FFAR4: variants seen among roughly 807,000 people sequenced by gnomAD.
FFAR4 encodes G-protein coupled receptor 120.
A neutral mutation model predicts 27.0 loss-of-function variants in FFAR4; 19 were observed. The observed-to-expected ratio is 0.70, with a 90% CI of 0.49 to 1.03. The LOEUF is 1.03. Ranked by LOEUF, FFAR4 falls within the 50% of genes least tolerant of loss-of-function variation. FFAR4 has a pLI of 0.00. For synonymous variants in FFAR4, 254 were observed against 215.6 expected (o/e 1.18, Z -1.56); for missense variants, 476 against 479.0 (o/e 0.99, Z 0.06).
chr10:93,583,276 C>T lies in FFAR4; in HGVS notation c.697-3944C>T, dbSNP rs546288535. Among the ~76,000 whole-genome samples the T allele has an allele frequency of 1.4e-4, 21 of 148,726 alleles. No homozygotes were observed. The South Asian group carries it at 3.0e-3, about 21-fold the overall frequency. On this transcript the variant is annotated intron_variant, in intron 2 of 2. Transcript: ENST00000371481. ...AAAAAAAAAAAAAAAATTAGCCGGG[C>T]GTGATGGCGGGCGCCTGTAGTCCCA...
At chr10:93,583,499 G>A (rs1453553545) in intron 2 of FFAR4, among the ~76,000 whole-genome samples, 1 of 152,106 alleles carries the variant, frequency 6.6e-6, no homozygotes, top group Non-Finnish European at 1.5e-5. Context: ...GAAACAAAAT[G>A]CTGCAAGATG....
At position 93,588,614 on chromosome 10, in the gene FFAR4, C is replaced by G. The variant is rs1564786721; in HGVS notation, c.*1005C>G. The G allele has an allele frequency of 6.6e-6, 1 of 152,154 alleles. No individual in the cohort carries two copies. Among genetic ancestry groups the G allele is most frequent in the Non-Finnish European group, 1.5e-5 (1 of 68,038 alleles). The allele number at this position is 152,154 out of a possible 1,614,324, so 9.4% of individuals were successfully genotyped here. The stretch of plus-strand genomic sequence containing the variant: ...AGTGGTGAACCAGACAGCCATGGCC[C>G]TCTCTCAGGGAACTTACCTTCGAGT... On this transcript the variant is annotated 3_prime_UTR_variant, in exon 3 of 3. Transcript: ENST00000371481.
At chr10:93,575,967 G>A in intron 1 of FFAR4, 124 bp from the exon 2 acceptor site, 2 of 903,394 alleles carry the variant, frequency 2.2e-6, no homozygotes, top group Non-Finnish European at 3.5e-6. Context: ...GGGGTTCACT[G>A]TCATGCTAGT....
chr10:93,570,499 C>A (rs76543749), intron 1 of FFAR4, among the ~76,000 whole-genome samples: 2,203 of 152,088 alleles, frequency 0.014, 55 homozygotes, highest in African/African-American at 0.051. Flanking sequence ...TCTGTCTGCC[C>A]CATCCCACTT....
rs1036254955 is a variant in FFAR4 at position 93,587,771 on chromosome 10, T to C, written c.*162T>C. On this transcript the variant is annotated 3_prime_UTR_variant, in exon 3 of 3. Transcript: ENST00000371481. Reference sequence around the variant, plus strand: ...TAAATTAAGGGGTGATCACCAAGTTTCATAATATTTTCCCTTTATAAAAGG... The same window carrying C: ...TAAATTAAGGGGTGATCACCAAGTTCCATAATATTTTCCCTTTATAAAAGG... 4.7e-5 allele frequency: 32 copies of C among 683,444 alleles called. No individual in the cohort carries two copies. The highest frequency in any genetic ancestry group is 7.3e-5 in the Non-Finnish European group (30 of 410,964). 42.3% of individuals were successfully genotyped at this position (683,444 alleles called of 1,614,324 possible).
chr10:93,575,818 C>A (rs1466265353), intron 1 of FFAR4, among the ~76,000 whole-genome samples: 1 of 152,156 alleles, frequency 6.6e-6, no homozygotes, highest in African/African-American at 2.4e-5. Flanking sequence ...ACCTAGGAAC[C>A]GACTCTAGCT....
intron 1 of FFAR4, 99 bp from the exon 2 acceptor site, chr10:93,575,992 A>G: frequency 8.2e-7 from 1 of 1,217,520 alleles, no homozygotes; most frequent in Admixed American, 1.8e-5. Context: ...TAACTGGGCA[A>G]TGCAACCGTG....
Position 93,567,226 on chromosome 10 carries a change from C to T in FFAR4, c.506C>T (p.Ala169Val), listed in dbSNP as rs771777849. ...CTCATCTGGGGCTATTCGGCGGTCG[C>T]CGCTCTGCCTCTCTGCGTCTTCTTC... is the stretch of plus-strand genomic sequence containing the variant. ...LALIWGYSAVAALPLCVFFRV... is the reference protein window; with the variant it reads ...LALIWGYSAVVALPLCVFFRV... Residue 169 changes from alanine (A) to valine (V), a missense_variant, in exon 1 of 3, where the codon GCC becomes GTC. Ala to Val is a moderately conservative substitution (Grantham distance 64, BLOSUM62 0). Transcript: ENST00000371481. 8 of 1,601,576 alleles carry T rather than the reference C, an allele frequency of 5.0e-6. No homozygotes were observed. The African/African-American group carries it at 8.0e-5, about 16-fold the overall frequency.
intron 2 of FFAR4, among the ~76,000 whole-genome samples, chr10:93,586,811 C>T (rs1250451738): frequency 6.6e-6 from 1 of 152,188 alleles, no homozygotes; most frequent in Non-Finnish European, 1.5e-5. Context: ...AGTCACCTCC[C>T]AGGGTGGAAA....
At chr10:93,582,515 G>T (rs377536473) in intron 2 of FFAR4, among the ~76,000 whole-genome samples, 1 of 139,180 alleles carries the variant, frequency 7.2e-6, no homozygotes, top group African/African-American at 2.7e-5. Context: ...TTGCACTCCA[G>T]CCTGGGCAAC....
rs2058236083 is a variant in FFAR4 at position 93,587,504 on chromosome 10, G to T, written c.981G>T (p.Arg327Ser). ...NPILYNMTLCRNEWKKIFCCF... is the reference protein window; with the variant it reads ...NPILYNMTLCSNEWKKIFCCF... ...TCCTCTACAACATGACACTGTGCAG[G>T]AATGAGTGGAAGAAAATTTTTTGCT... is the stretch of plus-strand genomic sequence containing the variant. The change falls in exon 3 of 3, where the codon AGG (arginine) becomes AGT (serine). Residue 327 changes from arginine to serine, a missense_variant. Physicochemically the swap from Arg to Ser is moderately radical, Grantham distance 110. Coordinates refer to ENST00000371481, the MANE Select transcript of FFAR4 (RefSeq NM_001195755.2). 1.2e-6 allele frequency: 2 copies of T among 1,614,032 alleles called. No individual in the cohort carries two copies. Among genetic ancestry groups the T allele is most frequent in the African/African-American group, 2.7e-5 (2 of 74,996 alleles).
At chr10:93,575,999 C>T (rs1248670212) in intron 1 of FFAR4, 92 bp from the exon 2 acceptor site, 8 of 1,284,474 alleles carry the variant, frequency 6.2e-6, no homozygotes, top group Admixed American at 1.8e-5. Flanking sequence ...GCAATGCAAC[C>T]GTGTAAGTGT....
At chr10:93,578,013 A>G (rs1055422359) in intron 2 of FFAR4, among the ~76,000 whole-genome samples, 1 of 152,188 alleles carries the variant, frequency 6.6e-6, no homozygotes, top group Non-Finnish European at 1.5e-5. Context: ...AAGGGTGCTG[A>G]TATCGAAAGG....
chr10:93,568,862 A>T (rs2058115564), intron 1 of FFAR4, among the ~76,000 whole-genome samples: 8 of 152,146 alleles, frequency 5.3e-5, no homozygotes, highest in Admixed American at 5.2e-4. Flanking sequence ...AGCCCCATCA[A>T]GCCTGTGGCA....
At chr10:93,567,381 C>A in intron 1 of FFAR4, 94 bp downstream of exon 1, 1 of 1,092,954 alleles carries the variant, frequency 9.1e-7, no homozygotes, top group South Asian at 1.5e-5. Context: ...TCAAGAACAA[C>A]AATAGCCATT....
At chr10:93,582,074 C>T (rs796638841) in intron 2 of FFAR4, among the ~76,000 whole-genome samples, 11 of 152,330 alleles carry the variant, frequency 7.2e-5, no homozygotes, top group African/African-American at 2.2e-4. Context: ...ATCAAGCATT[C>T]TGCCCAGTGC....
intron 1 of FFAR4, among the ~76,000 whole-genome samples, chr10:93,570,171 CTCTG>C (rs1425516963): frequency 9.9e-4 from 147 of 148,160 alleles, no homozygotes; most frequent in Middle Eastern, 6.9e-3. Context: ...CTCTCTCTCT[CTCTG>C]TCTCTGTCTC....
intron 1 of FFAR4, among the ~76,000 whole-genome samples, chr10:93,574,323 T>G (rs1486945501): frequency 6.6e-6 from 1 of 152,018 alleles, no homozygotes; most frequent in African/African-American, 2.4e-5. Flanking sequence ...GAGTTGGGGG[T>G]CTTAAGAAAA....
chr10:93,568,439 C>T (rs1047104131), intron 1 of FFAR4, among the ~76,000 whole-genome samples: 1 of 152,184 alleles, frequency 6.6e-6, no homozygotes, highest in Non-Finnish European at 1.5e-5. Context: ...AGCTCCCTCT[C>T]CACCTAGGAG....
Sources: allele counts gnomAD v4.1 joint callset (sites outside exome capture counted in the v4.1 genomes callset), GRCh38; gene constraint gnomAD v4.1.1; transcripts MANE v1.5; gene names NCBI Gene and HGNC (gene_info 2026-07-23, HGNC 2026-07-21).